COL5A1: variants seen among roughly 807,000 people sequenced by gnomAD.
The protein encoded by COL5A1 is collagen alpha-1(V) chain.
A neutral mutation model predicts 263.7 loss-of-function variants in COL5A1; 16 were observed. The observed-to-expected ratio is 0.06, with a 90% CI of 0.04 to 0.09. The LOEUF (loss-of-function observed/expected upper bound fraction) is 0.09, where lower values mean the gene tolerates loss of function less well. COL5A1 is among the 10% of genes least tolerant of loss of function. The pLI is 1.00. For missense variants in COL5A1, 2,036 were observed against 2,540.5 expected (o/e 0.80, Z 4.27); for synonymous variants, 1,012 against 1,004.5 (o/e 1.01, Z -0.14).
intron 13 of COL5A1, among the ~76,000 whole-genome samples, chr9:134,751,235 C>T (rs1835770018): frequency 6.6e-6 from 1 of 151,654 alleles, no homozygotes; most frequent in Non-Finnish European, 1.5e-5. Flanking sequence ...TGTCACTGTC[C>T]AGTAGGGACC....
intron 13 of COL5A1, among the ~76,000 whole-genome samples, chr9:134,751,510 C>G (rs1366713694): frequency 6.6e-6 from 1 of 152,218 alleles, no homozygotes; most frequent in African/African-American, 2.4e-5. Context: ...CCCAGAGCCC[C>G]TCACTCTCAG....
Position 134,823,590 on chromosome 9 carries a change from C to T in COL5A1, c.4698+121C>T, listed in dbSNP as rs145056122. The stretch of plus-strand genomic sequence containing the variant: ...ACTCATGAAGCCCATGTGGCATGCC[C>T]GGGCCTTGTCCCTCGCACGCAGCCG... On this transcript the variant is annotated intron_variant, in intron 61 of 65. Transcript: ENST00000371817. 9.8e-4 allele frequency: 1,052 copies of T among 1,068,558 alleles called. 5 individuals carry two copies. In the African/African-American group the frequency reaches 0.014, roughly 15 times the overall value. 66.2% of individuals were successfully genotyped at this position (1,068,558 alleles called of 1,614,324 possible). A position where few individuals can be genotyped will look rare whatever the true frequency, so the allele number is the denominator to read the frequency against.
chr9:134,728,551 C>T lies in COL5A1; in HGVS notation c.787-119C>T, dbSNP rs534857368. On this transcript the variant is annotated intron_variant, in intron 5 of 65. Transcript: ENST00000371817. ...ATCCGGGGACCCACAGGGAGGTTCA[C>T]GCCTGGGGCTGGACGGGGCGTCGTG... 2.1e-5 allele frequency: 30 copies of T among 1,457,434 alleles called. No homozygotes were observed. In the African/African-American group the frequency reaches 2.1e-4, roughly 10 times the overall value. 90.3% of individuals were successfully genotyped at this position (1,457,434 alleles called of 1,614,324 possible).
rs3128599 is a variant in COL5A1 at position 134,823,304 on chromosome 9, A to T, written c.4645-112A>T. On this transcript the variant is annotated intron_variant, in intron 60 of 65. Transcript: ENST00000371817. ...GCCATTCTCTTCTCTGCTGTGGCTG[A>T]TAGGGCCACCTCCCCCACATAGGTC... 1,024,927 of 1,224,022 alleles carry T rather than the reference A, an allele frequency of 0.84. 430,637 individuals are homozygous for T. The highest frequency in any genetic ancestry group is 0.94 in the African/African-American group (63,323 of 67,374). The allele number at this position is 1,224,022 out of a possible 1,614,324, so 75.8% of individuals were successfully genotyped here.
At chr9:134,832,028 G>A (rs12352490) in intron 64 of COL5A1, among the ~76,000 whole-genome samples, 10,565 of 152,222 alleles carry the variant, frequency 0.069, 1,197 homozygotes, top group African/African-American at 0.24. Flanking sequence ...ACTTTGGGAG[G>A]CTCAGGCGGG....
At chr9:134,766,356 G>A in intron 21 of COL5A1, 98 bp from the exon 22 acceptor site, 1 of 1,194,722 alleles carries the variant, frequency 8.4e-7, no homozygotes, top group Non-Finnish European at 1.2e-6. Flanking sequence ...TTCGTCGTGG[G>A]ATGGGCGTCT....
At chr9:134,749,515 C>G (rs1835698383) in intron 11 of COL5A1, among the ~76,000 whole-genome samples, 1 of 152,264 alleles carries the variant, frequency 6.6e-6, no homozygotes, top group Non-Finnish European at 1.5e-5. Context: ...CCACAGCCTT[C>G]TGGATAGTTC....
intron 26 of COL5A1, among the ~76,000 whole-genome samples, chr9:134,773,531 G>A (rs553829329): frequency 6.6e-5 from 10 of 152,350 alleles, no homozygotes; most frequent in African/African-American, 2.4e-4. Context: ...GTCGTCGGGA[G>A]CCTGGGGCTG....
At chr9:134,669,723 G>A (rs921125403) in intron 1 of COL5A1, among the ~76,000 whole-genome samples, 3 of 152,136 alleles carry the variant, frequency 2.0e-5, no homozygotes, top group Non-Finnish European at 2.9e-5. Context: ...AGCCTACCAC[G>A]CCGGAGGAAG....
At chr9:134,717,156 C>T (rs571846817) in intron 4 of COL5A1, among the ~76,000 whole-genome samples, 28 of 152,218 alleles carry the variant, frequency 1.8e-4, no homozygotes, top group Middle Eastern at 3.4e-3. Flanking sequence ...TGGTCTCCTA[C>T]GTGCGCAGCG....
At position 134,823,964 on chromosome 9, in the gene COL5A1, G is replaced by A. The variant is rs538277101; in HGVS notation, c.4698+495G>A. Reference sequence around the variant, plus strand: ...ATATTGTATACGTGCATGCATGGCCGTGTGTGTGTGCATATGTATATGTGT... The same window carrying A: ...ATATTGTATACGTGCATGCATGGCCATGTGTGTGTGCATATGTATATGTGT... On this transcript the variant is annotated intron_variant, in intron 61 of 65. Transcript: ENST00000371817. Among the ~76,000 whole-genome samples, 22 of 150,842 alleles carry A rather than the reference G, an allele frequency of 1.5e-4. No homozygotes were observed. In the South Asian group the frequency reaches 2.5e-3, roughly 17 times the overall value.
chr9:134,710,784 A>G (rs1345406388), intron 4 of COL5A1, among the ~76,000 whole-genome samples: 11 of 13,400 alleles, frequency 8.2e-4, no homozygotes, highest in Admixed American at 3.5e-3. Context: ...GTGGTGGGGG[A>G]GGGGCCCCGT....
chr9:134,663,193 G>A (rs992067231), intron 1 of COL5A1, among the ~76,000 whole-genome samples: 9 of 152,260 alleles, frequency 5.9e-5, no homozygotes, highest in African/African-American at 1.9e-4. Flanking sequence ...GGCCGTGTGG[G>A]CCAAGAAAGA....
intron 4 of COL5A1, among the ~76,000 whole-genome samples, chr9:134,703,585 C>G (rs539443891): frequency 6.8e-6 from 1 of 146,934 alleles, no homozygotes; most frequent in Non-Finnish European, 1.5e-5. Context: ...TTCTGTGGGT[C>G]GAGGCCCTGC....
At chr9:134,659,345 C>T (rs1466654810) in intron 1 of COL5A1, among the ~76,000 whole-genome samples, 6 of 152,142 alleles carry the variant, frequency 3.9e-5, no homozygotes, top group Admixed American at 6.5e-5. Context: ...GCCGAGATGG[C>T]GCCATTGCAC....
intron 64 of COL5A1, chr9:134,832,845 G>A (rs1839699002): frequency 1.3e-5 from 2 of 152,304 alleles, no homozygotes; most frequent in Non-Finnish European, 2.9e-5. Context: ...CCAGGCCCCA[G>A]GCCAGCTGCT....
At position 134,755,188 on chromosome 9, in the gene COL5A1, CAGG is replaced by C. The variant is rs758293976; in HGVS notation, c.1827+867_1827+869del. Among the ~76,000 whole-genome samples the C allele has an allele frequency of 1.3e-4, 20 of 152,132 alleles. No homozygotes were observed. The highest frequency in any genetic ancestry group is 2.6e-4 in the Non-Finnish European group (18 of 68,030). Reference sequence around the variant, plus strand: ...AACAGAGGCCTGGGCTGGATAATTCCAGGAGGATTAGCAGCTCTGGAATCGACT... The same window carrying C: ...AACAGAGGCCTGGGCTGGATAATTCCAGGATTAGCAGCTCTGGAATCGACT... On this transcript the variant is annotated intron_variant, in intron 16 of 65. Transcript: ENST00000371817. The surrounding 1 kb of genome is among the most constrained non-coding windows in gnomAD (Gnocchi z 4.1).
chr9:134,667,903 A>G (rs1010279502), intron 1 of COL5A1, among the ~76,000 whole-genome samples: 3 of 152,138 alleles, frequency 2.0e-5, no homozygotes, highest in Non-Finnish European at 4.4e-5. Context: ...GGAACATGAC[A>G]TTTCCCCCAA....
intron 26 of COL5A1, among the ~76,000 whole-genome samples, chr9:134,773,225 G>A (rs531511723): frequency 1.3e-5 from 2 of 152,344 alleles, no homozygotes; most frequent in East Asian, 1.9e-4. Flanking sequence ...ACCAGGTCAC[G>A]CCGGTGCCAG....
Sources: allele counts gnomAD v4.1 joint callset (sites outside exome capture counted in the v4.1 genomes callset), GRCh38; gene constraint gnomAD v4.1.1; non-coding constraint Gnocchi (gnomAD v3.1); transcripts MANE v1.5; gene names NCBI Gene and HGNC (gene_info 2026-07-23, HGNC 2026-07-21).